Variants in CFAP61 observed in about 807,000 individuals in gnomAD.
The protein encoded by CFAP61 is cilia- and flagella-associated protein 61.
In CFAP61, 107 loss-of-function variants were observed where a neutral mutation model predicts 135.6. The observed-to-expected ratio is 0.79, with a 90% CI of 0.67 to 0.93. The LOEUF is 0.93. Among genes scored for constraint, CFAP61 ranks in the 40% least tolerant of loss-of-function variants. The pLI is 0.00. For missense variants in CFAP61, 1,507 were observed against 1,556.2 expected, an observed-to-expected ratio of 0.97 and a Z score of 0.53; for synonymous variants, 575 against 578.5, an observed-to-expected ratio of 0.99 and a Z score of 0.09.
At chr20:20,147,209 C>T (rs2051964712) in intron 9 of CFAP61, among the ~76,000 whole-genome samples, 1 of 152,218 alleles carries the variant, frequency 6.6e-6, no homozygotes, top group African/African-American at 2.4e-5. Flanking sequence ...TGTAAACATG[C>T]ATGTGCATGT....
chr20:20,310,464 C>G (rs1339153700), intron 25 of CFAP61, among the ~76,000 whole-genome samples: 2 of 151,952 alleles, frequency 1.3e-5, no homozygotes, highest in African/African-American at 4.9e-5. Flanking sequence ...AGATCATCTC[C>G]TCTTCCTCAG....
intron 16 of CFAP61, among the ~76,000 whole-genome samples, chr20:20,198,198 G>T (rs1745501703): frequency 6.6e-6 from 1 of 152,202 alleles, no homozygotes. Flanking sequence ...AACTCACTGA[G>T]ATGGGAAGGT....
At chr20:20,252,542 C>CT (rs34733331) in intron 20 of CFAP61, among the ~76,000 whole-genome samples, 22 of 149,338 alleles carry the variant, frequency 1.5e-4, no homozygotes, top group South Asian at 1.1e-3. Context: ...AACATTATGA[C>CT]TTTTTTTTTT....
At chr20:20,114,914 A>G (rs1016552588) in intron 8 of CFAP61, among the ~76,000 whole-genome samples, 3 of 152,312 alleles carry the variant, frequency 2.0e-5, no homozygotes, top group East Asian at 3.9e-4. Flanking sequence ...TAAGAGTTTT[A>G]TTAGGAATGG....
chr20:20,217,283 A>G (rs2048102521), intron 17 of CFAP61, among the ~76,000 whole-genome samples: 1 of 152,246 alleles, frequency 6.6e-6, no homozygotes, highest in Admixed American at 6.5e-5. Flanking sequence ...TGAAAGAGAT[A>G]TGCTTAATTT....
In CFAP61 at chr20:20,348,181, A is replaced by T. The variant is rs1569322381; in HGVS notation, c.3513+6260A>T. Among the ~76,000 whole-genome samples the T allele has an allele frequency of 3.3e-5, 5 of 152,282 alleles. No homozygotes were observed. The South Asian group carries it at 1.0e-3, about 32-fold the overall frequency. ...ATTCAATGAGATCAGCATTACCCTA[A>T]TACCAAAGCTAGACAAAGACACTGC... is the stretch of plus-strand genomic sequence containing the variant. On this transcript the variant is annotated intron_variant, in intron 26 of 26. Coordinates refer to ENST00000245957, the MANE Select transcript of CFAP61 (RefSeq NM_015585.4).
intron 13 of CFAP61, chr20:20,172,148 A>G (rs2054269706): frequency 4.6e-6 from 4 of 865,392 alleles, no homozygotes; most frequent in Non-Finnish European, 5.6e-6. Context: ...TACTATGGGA[A>G]CATTATATCT....
At chr20:20,354,955 G>A (rs796646641) in intron 26 of CFAP61, among the ~76,000 whole-genome samples, 846 of 15,882 alleles carry the variant, frequency 0.053, no homozygotes, top group South Asian at 0.13. Flanking sequence ...TCACACTGAG[G>A]GGAAGTGGTC....
At chr20:20,094,781 G>T (rs1002286162) in intron 7 of CFAP61, 1 of 152,272 alleles carries the variant, frequency 6.6e-6, no homozygotes, top group South Asian at 2.1e-4. Flanking sequence ...TGGAAGGGCA[G>T]AAACAAGACT....
intron 20 of CFAP61, among the ~76,000 whole-genome samples, chr20:20,255,515 T>C (rs545409061): frequency 6.6e-6 from 1 of 152,224 alleles, no homozygotes; most frequent in South Asian, 2.1e-4. Flanking sequence ...CAATGTTACA[T>C]TGTCTCCAAA....
chr20:20,062,342 G>T (rs1378002012), intron 2 of CFAP61, among the ~76,000 whole-genome samples: 1 of 152,174 alleles, frequency 6.6e-6, no homozygotes, highest in Non-Finnish European at 1.5e-5. Context: ...CTAAATTTGG[G>T]ATAATCTGTT....
intron 21 of CFAP61, among the ~76,000 whole-genome samples, chr20:20,270,553 T>A (rs986111884): frequency 6.6e-6 from 1 of 152,216 alleles, no homozygotes; most frequent in Non-Finnish European, 1.5e-5. Flanking sequence ...CATTTTACCT[T>A]TAATTACTTG....
intron 24 of CFAP61, among the ~76,000 whole-genome samples, chr20:20,292,917 G>A (rs1034935848): frequency 1.3e-5 from 2 of 152,156 alleles, no homozygotes; most frequent in African/African-American, 2.4e-5. Flanking sequence ...TTCAAGGGGT[G>A]GGGAATAGAG....
intron 11 of CFAP61, 44 bp from the exon 12 acceptor site, chr20:20,166,353 A>G (rs1256104987): frequency 2.5e-6 from 4 of 1,569,988 alleles, no homozygotes; most frequent in Non-Finnish European, 8.8e-7. Context: ...CTGATGTTGC[A>G]TTTGCTTGCA....
In CFAP61 at chr20:20,280,336, T is replaced by G. The variant is rs535447796; in HGVS notation, c.2796+2878T>G. 1.1e-4 allele frequency among the ~76,000 whole-genome samples: 16 copies of G among 152,278 alleles called. 1 individual carries two copies. The South Asian group carries it at 3.3e-3, about 32-fold the overall frequency. ...GAAGAGGCAGGGAAGCCTTCTTCCC[T>G]AGAGCCTCTGGAGGGAGCATGTTCC... On this transcript the variant is annotated intron_variant, in intron 22 of 26. Transcript: ENST00000245957.
intron 25 of CFAP61, among the ~76,000 whole-genome samples, chr20:20,337,310 ATGG>A (rs2058240818): frequency 9.2e-6 from 1 of 109,218 alleles, no homozygotes; most frequent in Non-Finnish European, 1.9e-5. Context: ...GGATGGATGG[ATGG>A]ATGGATGGAT....
At chr20:20,112,619 A>G (rs1445821663) in intron 8 of CFAP61, among the ~76,000 whole-genome samples, 1 of 151,988 alleles carries the variant, frequency 6.6e-6, no homozygotes, top group Non-Finnish European at 1.5e-5. Context: ...CTTCTCCCAC[A>G]CTGTAAACTC....
intron 25 of CFAP61, among the ~76,000 whole-genome samples, chr20:20,332,771 C>T (rs6081963): frequency 0.29 from 43,806 of 151,960 alleles, 6,682 homozygotes; most frequent in South Asian, 0.41. Flanking sequence ...CGCACCACCA[C>T]GTCCAGCTAA....
chr20:20,282,731 G>A (rs780006098), intron 22 of CFAP61, among the ~76,000 whole-genome samples: 9 of 152,092 alleles, frequency 5.9e-5, no homozygotes, highest in Non-Finnish European at 8.8e-5. Flanking sequence ...TTGAGGTCAG[G>A]AGTTCAAGAC....
Sources: gnomAD v4.1 joint callset for allele counts (sites outside exome capture counted in the v4.1 genomes callset) on GRCh38, gnomAD v4.1.1 for gene constraint, MANE v1.5 for transcripts, NCBI Gene and HGNC (gene_info 2026-07-23, HGNC 2026-07-21) for gene names.